ZFHX3: variants seen among roughly 807,000 people sequenced by gnomAD.
The protein encoded by ZFHX3 is zinc finger homeobox 3.
In ZFHX3, 42 loss-of-function variants were observed where a neutral mutation model predicts 279.1. The observed-to-expected ratio is 0.15, with a 90% confidence interval of 0.12 to 0.19. The LOEUF (loss-of-function observed/expected upper bound fraction) is 0.19, where lower values mean the gene tolerates loss of function less well. Among genes scored for constraint, ZFHX3 ranks in the 10% least tolerant of loss-of-function variants. The pLI, the probability that ZFHX3 is intolerant of heterozygous loss-of-function variation, is 1.00. For synonymous variants in ZFHX3, 2,293 were observed against 1,957.8 expected, an observed-to-expected ratio of 1.17 and a Z score of -4.52; for missense variants, 4,981 against 4,754.0, an observed-to-expected ratio of 1.05 and a Z score of -1.40.
chr16:73,067,153 G>A (rs1965765648), intron 8 of ZFHX3, among the ~76,000 whole-genome samples: 1 of 152,190 alleles, frequency 6.6e-6, no homozygotes, highest in East Asian at 1.9e-4. Flanking sequence ...GCCTGTGCCT[G>A]CGTGTTTGGT....
At chr16:73,557,000 C>A (rs1329254367) in intron 2 of ZFHX3, among the ~76,000 whole-genome samples, 1 of 143,930 alleles carries the variant, frequency 6.9e-6, no homozygotes, top group Non-Finnish European at 1.5e-5. Context: ...GAGGCTGAGG[C>A]AGGAGAATGG....
At chr16:73,450,851 T>G (rs2018271601) in intron 3 of ZFHX3, among the ~76,000 whole-genome samples, 1 of 152,232 alleles carries the variant, frequency 6.6e-6, no homozygotes, top group South Asian at 2.1e-4. Flanking sequence ...TGATTCCCAT[T>G]TCTGCATTTT....
chr16:73,452,868 G>T (rs1317462892), intron 3 of ZFHX3, among the ~76,000 whole-genome samples: 1 of 152,220 alleles, frequency 6.6e-6, no homozygotes, highest in East Asian at 1.9e-4. Context: ...TAACGCACCA[G>T]ACATTAAGTC....
intron 4 of ZFHX3, among the ~76,000 whole-genome samples, chr16:72,880,338 G>A (rs941821945): frequency 6.6e-5 from 10 of 152,206 alleles, no homozygotes; most frequent in African/African-American, 2.2e-4. Flanking sequence ...ACCTGAGGAT[G>A]TAGCTATGAC....
At chr16:73,700,356 A>G (rs147467477) in intron 1 of ZFHX3, among the ~76,000 whole-genome samples, 107 of 152,372 alleles carry the variant, frequency 7.0e-4, no homozygotes, top group African/African-American at 2.5e-3. Flanking sequence ...TTACTAAGTA[A>G]TCAGAGACTT....
At chr16:73,405,082 G>A (rs376284707) in intron 3 of ZFHX3, among the ~76,000 whole-genome samples, 13 of 152,260 alleles carry the variant, frequency 8.5e-5, no homozygotes, top group African/African-American at 3.1e-4. Context: ...CTTCAAGGCT[G>A]ATATGAGCCT....
chr16:73,187,342 A>ATTT (rs11437976), intron 5 of ZFHX3, among the ~76,000 whole-genome samples: 1 of 147,628 alleles, frequency 6.8e-6, no homozygotes, highest in Admixed American at 6.7e-5. Context: ...GTAAAGAGGG[A>ATTT]TTTTTTTTTT....
chr16:73,733,829 T>A (rs186070058), intron 1 of ZFHX3, among the ~76,000 whole-genome samples: 1 of 152,066 alleles, frequency 6.6e-6, no homozygotes, highest in Non-Finnish European at 1.5e-5. Flanking sequence ...TTAAAATACA[T>A]CCCCCAAAAA....
chr16:73,268,933 T>A (rs753127651), intron 4 of ZFHX3, among the ~76,000 whole-genome samples: 1 of 152,140 alleles, frequency 6.6e-6, no homozygotes, highest in Non-Finnish European at 1.5e-5. Flanking sequence ...TGCAGAAGCT[T>A]GGTCTACAGC....
chr16:73,265,722 G>C (rs2013955879), intron 4 of ZFHX3, among the ~76,000 whole-genome samples: 1 of 152,150 alleles, frequency 6.6e-6, no homozygotes, highest in African/African-American at 2.4e-5. Context: ...CCTAAATGCA[G>C]ATCACCTACA....
intron 8 of ZFHX3, among the ~76,000 whole-genome samples, chr16:73,090,938 A>G (rs1966070445): frequency 1.5e-5 from 2 of 137,770 alleles, no homozygotes; most frequent in Admixed American, 1.5e-4. Context: ...AAGGCAAGGC[A>G]TGGTGGCTCA....
intron 1 of ZFHX3, among the ~76,000 whole-genome samples, chr16:73,781,272 C>G (rs1304871089): frequency 6.6e-6 from 1 of 152,152 alleles, no homozygotes; most frequent in Non-Finnish European, 1.5e-5. Flanking sequence ...CAGAATTTTA[C>G]CTGAAGGCCT....
Position 73,659,196 on chromosome 16 carries a change from C to T in ZFHX3, c.-1547+20984G>A, listed in dbSNP as rs545865723. Among the ~76,000 whole-genome samples the T allele has an allele frequency of 3.3e-5, 5 of 152,270 alleles. No homozygotes were observed. In the South Asian group the frequency reaches 1.0e-3, roughly 32 times the overall value. On this transcript the variant is annotated intron_variant, in intron 2 of 17. Transcript: ENST00000641206. ...AGAAAGACACAGAAGGGTGACAGGA[C>T]AAAACCGAGCATCACATTTGGCCAA...
chr16:73,090,923 A>G (rs1781823506), intron 8 of ZFHX3, among the ~76,000 whole-genome samples: 1 of 150,234 alleles, frequency 6.7e-6, no homozygotes, highest in Non-Finnish European at 1.5e-5. Context: ...AAAAAAAAAA[A>G]AAAAAAGGCA....
At chr16:73,439,617 A>T (rs546211469) in intron 3 of ZFHX3, among the ~76,000 whole-genome samples, 1 of 152,240 alleles carries the variant, frequency 6.6e-6, no homozygotes, top group Non-Finnish European at 1.5e-5. Context: ...CATTTTTCCC[A>T]TTAGTGTTTA....
chr16:73,152,947 G>T (rs1467715997), intron 5 of ZFHX3, among the ~76,000 whole-genome samples: 1 of 152,076 alleles, frequency 6.6e-6, no homozygotes, highest in Admixed American at 6.6e-5. Flanking sequence ...GGCTGAGCCG[G>T]GTCACAAGTG....
intron 1 of ZFHX3, among the ~76,000 whole-genome samples, chr16:72,979,938 A>G (rs1048872703): frequency 7.2e-5 from 11 of 152,200 alleles, no homozygotes; most frequent in Non-Finnish European, 5.9e-5. Context: ...AGAAAAAAAA[A>G]TCAATTGGTC....
At chr16:73,704,438 C>T (rs764506494) in intron 1 of ZFHX3, among the ~76,000 whole-genome samples, 3 of 152,098 alleles carry the variant, frequency 2.0e-5, no homozygotes, top group Non-Finnish European at 4.4e-5. Flanking sequence ...CATTTTAAAT[C>T]GTTTTAAAGT....
intron 1 of ZFHX3, among the ~76,000 whole-genome samples, chr16:73,726,425 ATGCCTTTGCTG>A (rs1266035321): frequency 6.6e-6 from 1 of 152,222 alleles, no homozygotes; most frequent in Non-Finnish European, 1.5e-5. Flanking sequence ...TGGGCCAGAC[ATGCCTTTGCTG>A]TGGGGATTGT....
Sources: gnomAD v4.1 joint callset for allele counts (sites outside exome capture counted in the v4.1 genomes callset) on GRCh38, gnomAD v4.1.1 for gene constraint, MANE v1.5 for transcripts, NCBI Gene and HGNC (gene_info 2026-07-23, HGNC 2026-07-21) for gene names.